The following ITGA9 variants were observed in gnomAD, a reference collection of about 807,000 sequenced individuals.
ITGA9 encodes the protein integrin subunit alpha 9.
A neutral mutation model predicts 127.8 loss-of-function variants in ITGA9; 56 were observed. The observed-to-expected ratio is 0.44, with a 90% confidence interval of 0.35 to 0.55. The LOEUF is 0.55. ITGA9 is among the 20% of genes least tolerant of loss of function. ITGA9 has a pLI of 0.00. For missense variants in ITGA9, 1,196 were observed against 1,347.1 expected (o/e 0.89, Z 1.76); for synonymous variants, 508 against 514.5 (o/e 0.99, Z 0.17).
At chr3:37,748,052 C>T (rs769426185) in intron 22 of ITGA9, 2 of 372,420 alleles carry the variant, frequency 5.4e-6, no homozygotes, top group Non-Finnish European at 1.0e-5. Context: ...ATTTCAATCA[C>T]CCCCAAAAGA....
At position 37,820,967 on chromosome 3, in the gene ITGA9, T is replaced by C. The variant is rs1697507303; in HGVS notation, c.*1978T>C. On this transcript the variant is annotated 3_prime_UTR_variant, in exon 28 of 28. Coordinates refer to ENST00000264741, the MANE Select transcript of ITGA9 (RefSeq NM_002207.3). ...CATACTTGGCTAATACTCACAAACA[T>C]ATCTAAAGTTTTGGCAAAATTATGA... is the stretch of plus-strand genomic sequence containing the variant. The C allele has an allele frequency of 6.6e-6, 1 of 152,190 alleles. No homozygotes were observed. Among genetic ancestry groups the C allele is most frequent in the Non-Finnish European group, 1.5e-5 (1 of 68,034 alleles). 9.4% of individuals were successfully genotyped at this position (152,190 alleles called of 1,614,324 possible).
chr3:37,556,022 G>C (rs1176623941), intron 15 of ITGA9, among the ~76,000 whole-genome samples: 7 of 152,258 alleles, frequency 4.6e-5, no homozygotes, highest in Non-Finnish European at 1.0e-4. Flanking sequence ...TTTTAGCGTA[G>C]AAAAGCCCTC....
At chr3:37,462,980 C>T (rs1698332226) in intron 1 of ITGA9, among the ~76,000 whole-genome samples, 1 of 152,178 alleles carries the variant, frequency 6.6e-6, no homozygotes, top group Admixed American at 6.5e-5. Flanking sequence ...ACTTCGGATA[C>T]ACTCTTTAGG....
At chr3:37,654,615 C>A (rs1700460017) in intron 17 of ITGA9, among the ~76,000 whole-genome samples, 1 of 152,104 alleles carries the variant, frequency 6.6e-6, no homozygotes, top group Admixed American at 6.5e-5. Flanking sequence ...CATAGTGTAT[C>A]CCTTACTTAA....
At chr3:37,748,415 A>G in intron 22 of ITGA9, 1 of 594,242 alleles carries the variant, frequency 1.7e-6, no homozygotes, top group Non-Finnish European at 3.2e-6. Context: ...TCTAAGAGCC[A>G]AGATAGCTTC....
chr3:37,659,465 C>T (rs892643120), intron 17 of ITGA9, among the ~76,000 whole-genome samples: 3 of 151,560 alleles, frequency 2.0e-5, no homozygotes, highest in African/African-American at 4.8e-5. Context: ...TCTGCTTGAT[C>T]GATTTGGCTG....
At chr3:37,714,876 C>T (rs1334046166) in intron 18 of ITGA9, among the ~76,000 whole-genome samples, 7 of 152,142 alleles carry the variant, frequency 4.6e-5, no homozygotes, top group African/African-American at 1.7e-4. Flanking sequence ...CTCTGAAGGC[C>T]CCACTGAATA....
chr3:37,698,020 T>C (rs79903620), intron 18 of ITGA9, among the ~76,000 whole-genome samples: 30,149 of 152,110 alleles, frequency 0.2, 3,966 homozygotes, highest in African/African-American at 0.37. Context: ...TTTTAATGAT[T>C]GCCATTCTAA....
chr3:37,519,299 G>T lies in ITGA9; in HGVS notation c.1181G>T (p.Gly394Val). The change falls in exon 11 of 28, where the codon GGG becomes GTG. Residue 394 changes from glycine to valine, a missense_variant. Coordinates refer to ENST00000264741, the MANE Select transcript of ITGA9 (RefSeq NM_002207.3). ...GCACCCAAGGAGGATGACTTCGCAGGGGCGGTCTATATCTATCATGGTGAT... is the reference window on the plus strand; with the variant it reads ...GCACCCAAGGAGGATGACTTCGCAGTGGCGGTCTATATCTATCATGGTGAT... ...IGAPKEDDFA[G>V]AVYIYHGDAG... The T allele has an allele frequency of 6.2e-7, 1 of 1,614,120 alleles. No individual in the cohort carries two copies. The highest frequency in any genetic ancestry group is 1.1e-5 in the South Asian group (1 of 91,066).
At chr3:37,580,802 A>G (rs1402095526) in intron 15 of ITGA9, among the ~76,000 whole-genome samples, 2 of 152,114 alleles carry the variant, frequency 1.3e-5, no homozygotes, top group African/African-American at 4.8e-5. Flanking sequence ...CTGTTTTTGA[A>G]TTTGATTAAC....
At chr3:37,566,143 T>C (rs1372866718) in intron 15 of ITGA9, among the ~76,000 whole-genome samples, 1 of 152,178 alleles carries the variant, frequency 6.6e-6, no homozygotes, top group East Asian at 1.9e-4. Context: ...AAAGTCAAAA[T>C]AGTACAATAG....
chr3:37,747,206 A>G (rs1461788455), intron 22 of ITGA9, among the ~76,000 whole-genome samples: 1 of 152,206 alleles, frequency 6.6e-6, no homozygotes, highest in East Asian at 1.9e-4. Context: ...TGTTTACACA[A>G]TTGTGAACCT....
At chr3:37,620,415 T>C (rs1192562562) in intron 15 of ITGA9, among the ~76,000 whole-genome samples, 1 of 151,948 alleles carries the variant, frequency 6.6e-6, no homozygotes, top group African/African-American at 2.4e-5. Flanking sequence ...CAGGTGGCGG[T>C]GGTGATGGTG....
chr3:37,726,564 C>T (rs988581166), intron 18 of ITGA9, among the ~76,000 whole-genome samples: 17 of 152,248 alleles, frequency 1.1e-4, no homozygotes, highest in African/African-American at 3.4e-4. Context: ...AACCACTGCA[C>T]GTTACAAACA....
chr3:37,707,966 G>C lies in ITGA9; in HGVS notation c.2067+23951G>C, dbSNP rs953540060. 1.2e-4 allele frequency among the ~76,000 whole-genome samples: 18 copies of C among 152,118 alleles called. 1 individual carries two copies. The highest frequency in any genetic ancestry group is 1.5e-5 in the Non-Finnish European group (1 of 68,014). ...CTTCCTGTGGGCTAGGCAGGGCCCAGGTAGCTCAAAGGTGTTCCCATTTGT... is the reference window on the plus strand; with the variant it reads ...CTTCCTGTGGGCTAGGCAGGGCCCACGTAGCTCAAAGGTGTTCCCATTTGT... On this transcript the variant is annotated intron_variant, in intron 18 of 27. Transcript: ENST00000264741.
At chr3:37,634,988 GA>G (rs1374986090) in intron 16 of ITGA9, among the ~76,000 whole-genome samples, 2 of 152,170 alleles carry the variant, frequency 1.3e-5, no homozygotes, top group African/African-American at 4.8e-5. Context: ...ACATGGTCCT[GA>G]ATGACCATTG....
intron 15 of ITGA9, among the ~76,000 whole-genome samples, chr3:37,620,599 A>G (rs1228537441): frequency 6.6e-6 from 1 of 152,206 alleles, no homozygotes; most frequent in Non-Finnish European, 1.5e-5. Context: ...TTTGCAAGAA[A>G]TGGAGCTTGG....
At chr3:37,521,378 C>T (rs1699042669) in intron 11 of ITGA9, among the ~76,000 whole-genome samples, 1 of 152,170 alleles carries the variant, frequency 6.6e-6, no homozygotes, top group Non-Finnish European at 1.5e-5. Context: ...GCCTACACTT[C>T]TTCCACATTG....
chr3:37,774,394 G>C (rs767034659), intron 23 of ITGA9, among the ~76,000 whole-genome samples: 4 of 151,984 alleles, frequency 2.6e-5, no homozygotes, highest in Admixed American at 6.6e-5. Context: ...AAATGTTGTC[G>C]TTCAAATAAA....
Sources: allele counts gnomAD v4.1 joint callset (sites outside exome capture counted in the v4.1 genomes callset), GRCh38; gene constraint gnomAD v4.1.1; transcripts MANE v1.5; gene names NCBI Gene and HGNC (gene_info 2026-07-23, HGNC 2026-07-21).